The following FEZ2 variants were observed in gnomAD, a reference collection of about 807,000 sequenced individuals.
FEZ2 encodes the protein fasciculation and elongation protein zeta-2.
FEZ2 carries 51 observed loss-of-function variants against 40.4 expected under a neutral mutation model. That is an observed-to-expected ratio of 1.26 (90% CI 1.01 to 1.59). FEZ2 has a LOEUF of 1.59. FEZ2 is among the 40% of genes most tolerant of loss of function. The probability of loss-of-function intolerance (pLI) is 0.00; values close to 1 mark genes in which losing one functional copy is unlikely to be tolerated. For synonymous variants in FEZ2, 242 were observed against 172.0 expected (o/e 1.41, Z -3.18); for missense variants, 640 against 438.3 (o/e 1.46, Z -4.11).
intron 2 of FEZ2, chr2:36,590,407 G>A (rs991822216): frequency 2.0e-5 from 3 of 152,960 alleles, no homozygotes; most frequent in Non-Finnish European, 2.9e-5. Context: ...GCCAGGTGCA[G>A]TGGCTCACAC....
chr2:36,568,770 T>C (rs1038335551), intron 5 of FEZ2, among the ~76,000 whole-genome samples: 18 of 152,328 alleles, frequency 1.2e-4, no homozygotes, highest in Admixed American at 1.2e-3. Context: ...AACACCAGTA[T>C]TTACGCTGAG....
At chr2:36,582,569 AT>A (rs1668780302) in intron 3 of FEZ2, among the ~76,000 whole-genome samples, 1 of 152,176 alleles carries the variant, frequency 6.6e-6, no homozygotes, top group South Asian at 2.1e-4. Flanking sequence ...CCAACCTACT[AT>A]TACCTTGCTT....
intron 4 of FEZ2, 55 bp from the exon 5 acceptor site, chr2:36,578,920 C>A: frequency 6.8e-7 from 1 of 1,469,980 alleles, no homozygotes; most frequent in Non-Finnish European, 9.3e-7. Context: ...TTCAAGGAAG[C>A]AAAACAGAGT....
chr2:36,598,104 G>A lies in FEZ2; in HGVS notation c.39C>T (p.Phe13=). ...ADGDWQDFYE[F]QEPARSLLDQ... is the part of the protein sequence containing the mutation. ...CCAGGAGGCTCCGGGCCGGCTCCTG[G>A]AACTCATAGAAATCCTGCCAGTCCC... Residue 13 remains phenylalanine, a synonymous_variant, in exon 1 of 8, where the codon TTC becomes TTT. Transcript: ENST00000405912. 4 of 1,493,102 alleles carry A rather than the reference G, an allele frequency of 2.7e-6. No individual in the cohort carries two copies. The South Asian group carries it at 3.7e-5, about 14-fold the overall frequency. 92.5% of individuals were successfully genotyped at this position (1,493,102 alleles called of 1,614,324 possible).
intron 2 of FEZ2, among the ~76,000 whole-genome samples, chr2:36,585,874 A>G (rs1419159744): frequency 1.3e-5 from 2 of 152,234 alleles, no homozygotes; most frequent in African/African-American, 4.8e-5. Flanking sequence ...GAAAATAAAT[A>G]AAGTCTAAAA....
At chr2:36,568,802 G>A (rs557974231) in intron 5 of FEZ2, among the ~76,000 whole-genome samples, 2 of 152,190 alleles carry the variant, frequency 1.3e-5, no homozygotes, top group African/African-American at 4.8e-5. Context: ...CTGCCTCGTG[G>A]TTGTTTCCTT....
intron 5 of FEZ2, among the ~76,000 whole-genome samples, chr2:36,563,426 C>T (rs565115879): frequency 6.6e-6 from 1 of 151,926 alleles, no homozygotes; most frequent in South Asian, 2.1e-4. Flanking sequence ...TGGCAATGAA[C>T]CAGGGAAGCA....
rs78366880 is a variant in FEZ2, at chr2:36,554,743, C to T, written c.1045+940G>A. On this transcript the variant is annotated intron_variant, in intron 7 of 7. Coordinates refer to ENST00000405912, the MANE Select transcript of FEZ2 (RefSeq NM_005102.3). Reference sequence around the variant, plus strand: ...AAATGTGTGATTCACTTTGAGCACCCTGTGTATACTACTGAGGTTCCCCTT... The same window carrying T: ...AAATGTGTGATTCACTTTGAGCACCTTGTGTATACTACTGAGGTTCCCCTT... Among the ~76,000 whole-genome samples, 597 of 152,310 alleles carry T rather than the reference C, an allele frequency of 3.9e-3. 1 individual carries two copies. Among genetic ancestry groups the T allele is most frequent in the African/African-American group, 0.014 (570 of 41,548 alleles).
At chr2:36,574,704 A>G (rs894886175) in intron 5 of FEZ2, among the ~76,000 whole-genome samples, 4 of 152,148 alleles carry the variant, frequency 2.6e-5, no homozygotes, top group South Asian at 4.1e-4. Context: ...TTGATTCCAG[A>G]AGAAGAGCAT....
At chr2:36,588,574 G>T (rs1354104875) in intron 2 of FEZ2, among the ~76,000 whole-genome samples, 1 of 151,978 alleles carries the variant, frequency 6.6e-6, no homozygotes, top group Non-Finnish European at 1.5e-5. Context: ...ATAAAGTGGG[G>T]TAGTATTTGC....
At chr2:36,563,139 A>T (rs1006165837) in intron 5 of FEZ2, among the ~76,000 whole-genome samples, 2 of 152,254 alleles carry the variant, frequency 1.3e-5, no homozygotes, top group African/African-American at 4.8e-5. Flanking sequence ...TCTTTATTAA[A>T]TGTGTGGTTG....
intron 5 of FEZ2, among the ~76,000 whole-genome samples, chr2:36,562,728 T>C (rs187080978): frequency 2.3e-4 from 35 of 152,336 alleles, no homozygotes; most frequent in Non-Finnish European, 4.1e-4. Flanking sequence ...AAGCAGATTA[T>C]CAAATGAGAT....
intron 5 of FEZ2, among the ~76,000 whole-genome samples, chr2:36,561,791 T>C (rs989974083): frequency 2.6e-5 from 4 of 152,182 alleles, no homozygotes; most frequent in African/African-American, 7.2e-5. Context: ...ATAGAGGAAA[T>C]TTAAATCAGT....
At chr2:36,586,547 A>T (rs1573027478) in intron 2 of FEZ2, among the ~76,000 whole-genome samples, 1 of 151,578 alleles carries the variant, frequency 6.6e-6, no homozygotes, top group African/African-American at 2.4e-5. Flanking sequence ...GGATCACTTG[A>T]GCCCAGGAGG....
At chr2:36,565,523 T>TC (rs1200360994) in intron 5 of FEZ2, among the ~76,000 whole-genome samples, 6 of 152,114 alleles carry the variant, frequency 3.9e-5, no homozygotes, top group Non-Finnish European at 8.8e-5. Context: ...TCCCTAACTG[T>TC]CCCCTCCAAG....
chr2:36,590,281 A>G (rs1669029111), intron 2 of FEZ2: 1 of 152,288 alleles, frequency 6.6e-6, no homozygotes, highest in Non-Finnish European at 1.5e-5. Context: ...CACTCATTAA[A>G]AAGTTAACTC....
chr2:36,553,289 G>A (rs953088321), intron 7 of FEZ2, 110 bp from the exon 8 acceptor site: 7 of 839,244 alleles, frequency 8.3e-6, no homozygotes, highest in Non-Finnish European at 1.2e-5. Context: ...AGAACTAAAT[G>A]TTAATGCAAA....
chr2:36,553,674 A>G (rs1010442223), intron 7 of FEZ2, among the ~76,000 whole-genome samples: 2 of 152,162 alleles, frequency 1.3e-5, no homozygotes, highest in Admixed American at 6.6e-5. Context: ...TAGCCCATAC[A>G]GTGCCCACCC....
intron 5 of FEZ2, among the ~76,000 whole-genome samples, chr2:36,570,086 TAAA>T (rs1264475092): frequency 1.3e-5 from 2 of 152,096 alleles, no homozygotes; most frequent in Non-Finnish European, 2.9e-5. Flanking sequence ...GAAACAAGTG[TAAA>T]AAATTTAGAG....
Sources: gnomAD v4.1 joint callset for allele counts (sites outside exome capture counted in the v4.1 genomes callset) on GRCh38, gnomAD v4.1.1 for gene constraint, MANE v1.5 for transcripts, NCBI Gene and HGNC (gene_info 2026-07-23, HGNC 2026-07-21) for gene names.